TCERG1L: variants seen among roughly 807,000 people sequenced by gnomAD.
TCERG1L encodes the protein transcription elongation regulator 1-like protein.
Under a neutral mutation model 56.3 loss-of-function variants are expected in TCERG1L, and 37 were observed. The ratio of observed to expected loss-of-function variants is 0.66; its 90% CI spans 0.51 to 0.87. TCERG1L has a LOEUF of 0.87. Ranked by LOEUF, TCERG1L falls within the 40% of genes least tolerant of loss-of-function variation. The pLI is 0.00. For missense variants in TCERG1L, 799 were observed against 774.2 expected, an observed-to-expected ratio of 1.03 and a Z score of -0.38; for synonymous variants, 324 against 326.3, an observed-to-expected ratio of 0.99 and a Z score of 0.08.
intron 3 of TCERG1L, among the ~76,000 whole-genome samples, chr10:131,290,898 G>A (rs1037128621): frequency 2.0e-5 from 3 of 152,152 alleles, no homozygotes; most frequent in African/African-American, 7.2e-5. Flanking sequence ...ACTGAATGAA[G>A]TCATATTGGC....
intron 10 of TCERG1L, among the ~76,000 whole-genome samples, chr10:131,102,959 C>G (rs1845317976): frequency 6.6e-6 from 1 of 152,042 alleles, no homozygotes; most frequent in South Asian, 2.1e-4. Context: ...TTGTGAAAAG[C>G]TAGGGCAGAG....
At chr10:131,212,026 G>A (rs1845625515) in intron 4 of TCERG1L, among the ~76,000 whole-genome samples, 1 of 152,154 alleles carries the variant, frequency 6.6e-6, no homozygotes, top group Admixed American at 6.5e-5. Context: ...AGATTGGGGT[G>A]ATTCTAAGGT....
At position 131,267,456 on chromosome 10, in the gene TCERG1L, C is replaced by T. The variant is rs1846298862; in HGVS notation, c.671-7012G>A. On this transcript the variant is annotated intron_variant, in intron 3 of 11. Coordinates refer to ENST00000368642, the MANE Select transcript of TCERG1L (RefSeq NM_174937.4). The surrounding 1 kb of genome is among the most constrained non-coding windows in gnomAD (Gnocchi z 4.9). ...GGCTGCAACTGAGCCTCGGCAGCTC[C>T]CACACTGCCAACTTGAGGGGGGTCA... Among the ~76,000 whole-genome samples, 1 of 152,220 alleles carries T rather than the reference C, an allele frequency of 6.6e-6. No individual in the cohort carries two copies. Among genetic ancestry groups the T allele is most frequent in the African/African-American group, 2.4e-5 (1 of 41,458 alleles).
At chr10:131,186,063 G>T (rs2918101) in intron 4 of TCERG1L, among the ~76,000 whole-genome samples, 85,589 of 151,936 alleles carry the variant, frequency 0.56, 25,534 homozygotes, top group East Asian at 0.74. Flanking sequence ...GTACTGTGCA[G>T]ATGAACCCCG....
At position 131,311,250 on chromosome 10, in the gene TCERG1L, G is replaced by C. The variant is rs929660750; in HGVS notation, c.342+44C>G. 8.4e-7 allele frequency: 1 copy of C among 1,193,418 alleles called. No homozygotes were observed. The highest frequency in any genetic ancestry group is 4.4e-5 in the Admixed American group (1 of 22,518). The allele number at this position is 1,193,418 out of a possible 1,614,324, so 73.9% of individuals were successfully genotyped here. ...GCCGGGCAGGGCGCGCCCAGGAGCA[G>C]GGGAGACGGCGACCCGGGCCGAGGC... On this transcript the variant is annotated intron_variant, in intron 1 of 11. Transcript: ENST00000368642. This position sits in a 1 kb window ranked among gnomAD's most constrained non-coding sequence, Gnocchi z 4.0.
At chr10:131,203,894 G>A (rs1481703521) in intron 4 of TCERG1L, among the ~76,000 whole-genome samples, 7 of 152,232 alleles carry the variant, frequency 4.6e-5, no homozygotes, top group Admixed American at 4.6e-4. Context: ...GCTGGGAGGG[G>A]AGAGGCGTGA....
intron 3 of TCERG1L, among the ~76,000 whole-genome samples, chr10:131,301,615 CAAT>C (rs1846762214): frequency 6.6e-6 from 1 of 151,516 alleles, no homozygotes; most frequent in Non-Finnish European, 1.5e-5. Context: ...AATTGTGTTT[CAAT>C]GATTTGAAAA....
At chr10:131,280,425 A>G (rs1287882019) in intron 3 of TCERG1L, among the ~76,000 whole-genome samples, 3 of 151,516 alleles carry the variant, frequency 2.0e-5, no homozygotes, top group African/African-American at 7.3e-5. Context: ...CAAGTTGGGA[A>G]GACTGGAAGC....
intron 4 of TCERG1L, among the ~76,000 whole-genome samples, chr10:131,170,639 C>A (rs12218891): frequency 0.033 from 4,975 of 152,232 alleles, 186 homozygotes; most frequent in East Asian, 0.079. Flanking sequence ...AAAACTCCCA[C>A]GCCAGTCAGC....
chr10:131,227,723 A>G (rs1845807833), intron 4 of TCERG1L, among the ~76,000 whole-genome samples: 1 of 142,706 alleles, frequency 7.0e-6, no homozygotes, highest in African/African-American at 2.7e-5. Flanking sequence ...GGACATGAGC[A>G]AAGAACCCAA....
At chr10:131,308,425 G>T in intron 2 of TCERG1L, 34 bp from the exon 3 acceptor site, 3 of 1,581,008 alleles carry the variant, frequency 1.9e-6, no homozygotes, top group Non-Finnish European at 2.6e-6. Flanking sequence ...AACACTGAAG[G>T]CAAGGTGCAT....
intron 10 of TCERG1L, among the ~76,000 whole-genome samples, chr10:131,101,966 G>T (rs1449038450): frequency 6.6e-6 from 1 of 152,058 alleles, no homozygotes; most frequent in Non-Finnish European, 1.5e-5. Flanking sequence ...CCTCCCAAAG[G>T]GCTGGGATTA....
intron 4 of TCERG1L, among the ~76,000 whole-genome samples, chr10:131,194,437 T>C (rs1845335776): frequency 6.6e-6 from 1 of 152,244 alleles, no homozygotes; most frequent in African/African-American, 2.4e-5. Flanking sequence ...GTTTGGGTTA[T>C]AGAATTAGAG....
chr10:131,185,580 A>T (rs1300047751), intron 4 of TCERG1L, among the ~76,000 whole-genome samples: 1 of 152,208 alleles, frequency 6.6e-6, no homozygotes, highest in Non-Finnish European at 1.5e-5. Context: ...TGAGCAAATG[A>T]CTCAAATCAT....
chr10:131,179,612 C>T (rs868812157), intron 4 of TCERG1L, among the ~76,000 whole-genome samples: 1 of 152,186 alleles, frequency 6.6e-6, no homozygotes, highest in Non-Finnish European at 1.5e-5. Context: ...CCTACTGACA[C>T]GACCACCATG....
At chr10:131,098,246 C>T in intron 11 of TCERG1L, 60 bp downstream of exon 11, 5 of 1,512,432 alleles carry the variant, frequency 3.3e-6, no homozygotes, top group Non-Finnish European at 4.5e-6. Context: ...CTGAAGAGTC[C>T]TCTTGTCATT....
intron 4 of TCERG1L, among the ~76,000 whole-genome samples, chr10:131,249,264 A>G (rs568253521): frequency 2.9e-4 from 44 of 152,374 alleles, no homozygotes; most frequent in African/African-American, 9.6e-4. Flanking sequence ...TTCTTAGCAG[A>G]GGCAATATCA....
chr10:131,305,733 G>C (rs1344131940), intron 3 of TCERG1L, among the ~76,000 whole-genome samples: 2 of 151,962 alleles, frequency 1.3e-5, no homozygotes, highest in Non-Finnish European at 2.9e-5. Flanking sequence ...CTCTGTTTCT[G>C]CTTCTATGAT....
chr10:131,106,836 G>T (rs1020901219), intron 9 of TCERG1L, among the ~76,000 whole-genome samples: 1 of 152,164 alleles, frequency 6.6e-6, no homozygotes, highest in Non-Finnish European at 1.5e-5. Flanking sequence ...TATTATAAGA[G>T]ATGAATTTTC....
Sources: gnomAD v4.1 joint callset for allele counts (sites outside exome capture counted in the v4.1 genomes callset) on GRCh38, gnomAD v4.1.1 for gene constraint, Gnocchi (gnomAD v3.1) non-coding constraint, MANE v1.5 for transcripts, NCBI Gene and HGNC (gene_info 2026-07-23, HGNC 2026-07-21) for gene names.